MME: variants seen among roughly 807,000 people sequenced by gnomAD.
MME encodes the protein membrane metalloendopeptidase, also known as neprilysin.
In MME, 98 loss-of-function variants were observed where a neutral mutation model predicts 113.2. That is an observed-to-expected ratio of 0.87 (90% CI 0.74 to 1.02). The LOEUF is 1.02. Ranked by LOEUF, MME falls within the 50% of genes least tolerant of loss-of-function variation. MME has a pLI of 0.00. For synonymous variants in MME, 292 were observed against 300.6 expected (o/e 0.97, Z 0.30); for missense variants, 836 against 896.0 (o/e 0.93, Z 0.86).
upstream of MME, among the ~76,000 whole-genome samples, chr3:155,077,369 C>T (rs970947034): frequency 1.3e-5 from 2 of 152,150 alleles, no homozygotes; most frequent in African/African-American, 2.4e-5. Flanking sequence ...ACTTTCTCCT[C>T]CATTCCTATA....
rs1718844938 is a variant in MME at position 155,118,808 on chromosome 3, A to G, written c.717A>G (p.Lys239=). The stretch of plus-strand genomic sequence containing the variant: ...ACTATGAATGCACTGGAATCTATAA[A>G]GAGGTAAAAAGAAAAAAAATAATCA... ...RDYYECTGIY[K]EACTAYVDFM... is the part of the protein sequence containing the mutation. The change falls in exon 8 of 23, where the codon AAA becomes AAG. Residue 239 remains lysine, a synonymous_variant. Coordinates refer to ENST00000360490, the MANE Select transcript of MME (RefSeq NM_007289.4). 6.3e-7 allele frequency: 1 copy of G among 1,579,778 alleles called. No individual in the cohort carries two copies. The highest frequency in any genetic ancestry group is 1.1e-5 in the South Asian group (1 of 89,066).
chr3:155,177,441 G>A (rs540601621), intron 22 of MME, among the ~76,000 whole-genome samples: 1 of 152,304 alleles, frequency 6.6e-6, no homozygotes, highest in South Asian at 2.1e-4. Flanking sequence ...CAACCTGAAA[G>A]ACTAAAGACC....
In MME at chr3:155,168,537, A is replaced by G. The variant is rs142397614; in HGVS notation, c.1826A>G (p.Gln609Arg). 1 of 1,613,676 alleles carries G rather than the reference A, an allele frequency of 6.2e-7. No individual in the cohort carries two copies. Among genetic ancestry groups the G allele is most frequent in the African/African-American group, 1.3e-5 (1 of 75,040 alleles). Residue 609 changes from glutamine (Q) to arginine (R), a missense_variant, in exon 19 of 23, where the codon CAA becomes CGA. Gln to Arg is a conservative substitution (Grantham distance 43). Transcript: ENST00000360490. The stretch of plus-strand genomic sequence containing the variant: ...GGAGACCTCGTTGACTGGTGGACTC[A>G]ACAGTCTGCAAGTAACTTTAAGGAG... ...KDGDLVDWWT[Q>R]QSASNFKEQS...
chr3:155,106,919 G>A (rs1717735971), intron 3 of MME, among the ~76,000 whole-genome samples: 1 of 152,158 alleles, frequency 6.6e-6, no homozygotes, highest in Non-Finnish European at 1.5e-5. Flanking sequence ...TATAAATCAG[G>A]CTAATTATAA....
intron 1 of MME, among the ~76,000 whole-genome samples, chr3:155,041,722 G>C (rs776164456): frequency 6.6e-6 from 1 of 152,110 alleles, no homozygotes; most frequent in Non-Finnish European, 1.5e-5. Context: ...GTGGCTTAGA[G>C]AAATTAACAA....
rs1721218572 is a variant in MME, at chr3:155,142,806, T to A, written c.1188+476T>A. ...CCTATATTATTTAAACAATCACTGTTTTGGTACTATGGTGAGGGGAGTAGG... is the reference window on the plus strand; with the variant it reads ...CCTATATTATTTAAACAATCACTGTATTGGTACTATGGTGAGGGGAGTAGG... On this transcript the variant is annotated intron_variant, in intron 12 of 22. Transcript: ENST00000360490. Among the ~76,000 whole-genome samples, 6 of 152,166 alleles carry A rather than the reference T, an allele frequency of 3.9e-5. No homozygotes were observed. The South Asian group carries it at 1.0e-3, about 26-fold the overall frequency.
chr3:155,114,304 C>A (rs902831310), intron 3 of MME, among the ~76,000 whole-genome samples: 1 of 152,108 alleles, frequency 6.6e-6, no homozygotes, highest in Non-Finnish European at 1.5e-5. Flanking sequence ...GCAGCTCCTA[C>A]CAGAGTCAAC....
At chr3:155,084,100 T>G in intron 1 of MME, 58 bp from the exon 2 acceptor site, 1 of 1,368,624 alleles carries the variant, frequency 7.3e-7, no homozygotes, top group Non-Finnish European at 1.0e-6. Context: ...ATTAAGCATT[T>G]GGACATTTTC....
At chr3:155,047,314 G>C (rs527641559) in intron 1 of MME, among the ~76,000 whole-genome samples, 15 of 152,118 alleles carry the variant, frequency 9.9e-5, no homozygotes, top group Non-Finnish European at 1.5e-4. Flanking sequence ...GTATTTAATA[G>C]AGTAACATGC....
At chr3:155,079,279 G>A (rs1384491698), upstream of MME, among the ~76,000 whole-genome samples, 1 of 152,068 alleles carries the variant, frequency 6.6e-6, no homozygotes, top group African/African-American at 2.4e-5. Flanking sequence ...GGAGGAAAGG[G>A]AGCGGGAAAG....
intron 1 of MME, among the ~76,000 whole-genome samples, chr3:155,063,969 T>G (rs1167382948): frequency 2.0e-5 from 3 of 149,470 alleles, no homozygotes; most frequent in Admixed American, 6.6e-5. Flanking sequence ...GGTGGTAGTT[T>G]AATCTGATAG....
chr3:155,071,037 G>A lies in MME; in HGVS notation c.-10-13121G>A, dbSNP rs532950758. 1.6e-4 allele frequency among the ~76,000 whole-genome samples: 25 copies of A among 152,270 alleles called. No homozygotes were observed. The South Asian group carries it at 4.8e-3, about 29-fold the overall frequency. ...TAATGTGAATGAATCATATGCACAT[G>A]TTCCTTGGTATGTGGTGATGGGCAT... On this transcript the variant is annotated intron_variant, in intron 1 of 22. Transcript: ENST00000492661.
chr3:155,035,172 C>T (rs1348758519), intron 1 of MME, among the ~76,000 whole-genome samples: 1 of 151,520 alleles, frequency 6.6e-6, no homozygotes, highest in African/African-American at 2.4e-5. Context: ...CCATGTAATG[C>T]TTCTAGAGTA....
At chr3:155,107,132 G>A in intron 3 of MME, among the ~76,000 whole-genome samples, 1 of 152,132 alleles carries the variant, frequency 6.6e-6, no homozygotes, top group Non-Finnish European at 1.5e-5. Flanking sequence ...GAGGCGGGTG[G>A]ATCACGAGGT....
At chr3:155,044,125 CTTTTTTT>C (rs5853709) in intron 1 of MME, among the ~76,000 whole-genome samples, 4 of 89,226 alleles carry the variant, frequency 4.5e-5, no homozygotes, top group East Asian at 7.3e-4. Flanking sequence ...CTTCCTTTTT[CTTTTTTT>C]TTTTTTTTTT....
chr3:155,138,004 T>G (rs1720765437), intron 8 of MME, 98 bp from the exon 9 acceptor site: 14 of 1,346,828 alleles, frequency 1.0e-5, no homozygotes, highest in Non-Finnish European at 1.4e-5. Context: ...TAAGGTTATC[T>G]ATTACCAAAA....
At position 155,166,962 on chromosome 3, in the gene MME, A is replaced by G. The variant is rs770544492; in HGVS notation, c.1721A>G (p.Asn574Ser). 3 of 1,613,616 alleles carry G rather than the reference A, an allele frequency of 1.9e-6. No individual in the cohort carries two copies. In the African/African-American group the frequency reaches 4.0e-5, roughly 22 times the overall value. The part of the protein sequence containing the change: ...FFSAQQSNSL[N>S]YGGIGMVIGH... Reference sequence around the variant, plus strand: ...AGTGCCCAGCAGTCCAACTCATTGAACTATGGGGGCATCGGCATGGTCATA... The same window carrying G: ...AGTGCCCAGCAGTCCAACTCATTGAGCTATGGGGGCATCGGCATGGTCATA... Residue 574 changes from asparagine to serine, a missense_variant, in exon 18 of 23, where the codon AAC (asparagine) becomes AGC (serine). Asn to Ser is a conservative substitution (Grantham distance 46, BLOSUM62 1). Transcript: ENST00000360490.
chr3:155,161,721 AAG>A (rs1722736772), intron 17 of MME, among the ~76,000 whole-genome samples: 1 of 152,136 alleles, frequency 6.6e-6, no homozygotes. Flanking sequence ...GTAACCAGAA[AAG>A]ACTGTTTTGT....
In MME at chr3:155,164,491, G is replaced by A. The variant is rs556312692; in HGVS notation, c.1661-2411G>A. Among the ~76,000 whole-genome samples, 63 of 152,254 alleles carry A rather than the reference G, an allele frequency of 4.1e-4. 2 individuals are homozygous for A. In the South Asian group the frequency reaches 0.013, roughly 31 times the overall value. ...AGAGATTTAGCTGACAAAGTAAAAG[G>A]GGAGGTCATAATTAGCAAAGTTGAA... On this transcript the variant is annotated intron_variant, in intron 17 of 22. Transcript: ENST00000360490.
Sources: gnomAD v4.1 joint callset for allele counts (sites outside exome capture counted in the v4.1 genomes callset) on GRCh38, gnomAD v4.1.1 for gene constraint, MANE v1.5 for transcripts, NCBI Gene and HGNC (gene_info 2026-07-23, HGNC 2026-07-21) for gene names.